DOK2: variants seen among roughly 807,000 people sequenced by gnomAD.
DOK2 encodes the protein docking protein 2, also known as docking protein 2, 56kD.
A neutral mutation model predicts 26.0 loss-of-function variants in DOK2; 28 were observed. That is an observed-to-expected ratio of 1.08 (90% CI 0.80 to 1.48). DOK2 has a LOEUF of 1.48. DOK2 is among the 40% of genes most tolerant of loss of function. The pLI, the probability that DOK2 is intolerant of heterozygous loss-of-function variation, is 0.00. For synonymous variants in DOK2, 282 were observed against 236.9 expected, an observed-to-expected ratio of 1.19 and a Z score of -1.75; for missense variants, 682 against 558.2, an observed-to-expected ratio of 1.22 and a Z score of -2.23.
At position 21,909,646 on chromosome 8, in the gene DOK2, G is replaced by A; in HGVS notation, c.904C>T (p.Pro302Ser). The A allele has an allele frequency of 6.2e-7, 1 of 1,613,092 alleles. No individual in the cohort carries two copies. Among genetic ancestry groups the A allele is most frequent in the South Asian group, 1.1e-5 (1 of 91,092 alleles). ...PRGQEGEYAV[P>S]FDAVARSLGK... ...AAGGAACGGGCCACCGCATCGAAGG[G>A]CACGGCATACTCCCCCTCCTGGCCC... Residue 302 changes from proline (P) to serine (S), a missense_variant, in exon 5 of 5, where the codon CCC becomes TCC. Physicochemically the swap from Pro to Ser is moderately conservative, Grantham distance 74. Coordinates refer to ENST00000276420, the MANE Select transcript of DOK2 (RefSeq NM_003974.4).
chr8:21,912,319 G>A lies in DOK2; in HGVS notation c.255C>T (p.Phe85=). ...ASSPRDTSAF[F]LETKERLYLL... ...GGTACAGGCGCTCCTTGGTCTCCAG[G>A]AAGAAGGCACTGGTGTCCCGGGGGC... The change falls in exon 2 of 5, where the codon TTC becomes TTT. Residue 85 remains phenylalanine, a synonymous_variant. Transcript: ENST00000276420. 2 of 1,606,522 alleles carry A rather than the reference G, an allele frequency of 1.2e-6. No individual in the cohort carries two copies. Among genetic ancestry groups the A allele is most frequent in the South Asian group, 2.2e-5 (2 of 90,050 alleles).
intron 1 of DOK2, among the ~76,000 whole-genome samples, chr8:21,912,858 G>T (rs1315439053): frequency 6.6e-6 from 1 of 152,126 alleles, no homozygotes; most frequent in African/African-American, 2.4e-5. Context: ...GCGGGGCAGT[G>T]GCCGAGGCCC....
chr8:21,912,061 G>A, intron 2 of DOK2, 73 bp from the exon 3 acceptor site: 4 of 1,505,398 alleles, frequency 2.7e-6, no homozygotes, highest in Non-Finnish European at 2.7e-6. Context: ...CCTTCTTTCA[G>A]GCCACCTCAA....
In DOK2 at chr8:21,912,493, G is replaced by A; in HGVS notation, c.81C>T (p.Gly27=). 3 of 1,526,910 alleles carry A rather than the reference G, an allele frequency of 2.0e-6. No individual in the cohort carries two copies. The highest frequency in any genetic ancestry group is 2.4e-5 in the East Asian group (1 of 41,550). The allele number at this position is 1,526,910 out of a possible 1,614,324, so 94.6% of individuals were successfully genotyped here. The change falls in exon 2 of 5, where the codon GGC becomes GGT. Residue 27 remains glycine (G), a synonymous_variant. Transcript: ENST00000276420. ...QTFGKKWRRF[G]ASLYGGSDCA... ...AGTCCGACCCTCCATACAGTGAGGC[G>A]CCGAAGCGGCGCCATTTCTGTGCCA...
chr8:21,913,568 A>C lies in DOK2; in HGVS notation c.34T>G (p.Tyr12Asp). Reference sequence around the variant, plus strand: ...CCAAACGTCTGCTGCTGCTGAAGATACAAGAAGCCTTGTTTCACTGCCCCG... The same window carrying C: ...CCAAACGTCTGCTGCTGCTGAAGATCCAAGAAGCCTTGTTTCACTGCCCCG... ...GDGAVKQGFL[Y>D]LQQQQTFGKK... is the part of the protein sequence containing the mutation. The change falls in exon 1 of 5, where the codon TAT becomes GAT. Residue 12 changes from tyrosine (Y) to aspartate (D), a missense_variant. Transcript: ENST00000276420. 6.2e-7 allele frequency: 1 copy of C among 1,613,976 alleles called. No homozygotes were observed. The highest frequency in any genetic ancestry group is 1.3e-5 in the African/African-American group (1 of 74,988).
At chr8:21,913,296 C>T (rs968109947) in intron 1 of DOK2, among the ~76,000 whole-genome samples, 5 of 152,166 alleles carry the variant, frequency 3.3e-5, no homozygotes, top group African/African-American at 9.7e-5. Flanking sequence ...GCAGCACATC[C>T]CCCACCCCCA....
chr8:21,909,377 G>A lies in DOK2; in HGVS notation c.1173C>T (p.Phe391=), dbSNP rs1428655669. ...TTCCTGGCTGCCAGCCAGAAGCAGAGAAATCCTGCCCGGCTGGCTGGACAT... is the reference window on the plus strand; with the variant it reads ...TTCCTGGCTGCCAGCCAGAAGCAGAAAAATCCTGCCCGGCTGGCTGGACAT... ...LQHVQPAGQD[F]SASGWQPGTE... is the part of the protein sequence containing the mutation. The change falls in exon 5 of 5, where the codon TTC becomes TTT. Residue 391 remains phenylalanine (F), a synonymous_variant. Transcript: ENST00000276420. The A allele has an allele frequency of 1.1e-5, 18 of 1,588,594 alleles. No individual in the cohort carries two copies. The highest frequency in any genetic ancestry group is 1.5e-5 in the Non-Finnish European group (18 of 1,167,010).
In DOK2 at chr8:21,909,628, G is replaced by C. The variant is rs750799363; in HGVS notation, c.922C>G (p.Arg308Gly). The C allele has an allele frequency of 3.1e-6, 5 of 1,613,534 alleles. No individual in the cohort carries two copies. The Admixed American group carries it at 8.3e-5, about 27-fold the overall frequency. The change falls in exon 5 of 5, where the codon CGT (arginine) becomes GGT (glycine). Residue 308 changes from arginine (R) to glycine (G), a missense_variant. Coordinates refer to ENST00000276420, the MANE Select transcript of DOK2 (RefSeq NM_003974.4). ...CCCCTGAAGTTCTTCCCCAAGGAAC[G>C]GGCCACCGCATCGAAGGGCACGGCA... Reference protein sequence around the residue: ...EYAVPFDAVARSLGKNFRGIL... With the variant: ...EYAVPFDAVAGSLGKNFRGIL...
rs991861963 is a variant in DOK2, at chr8:21,911,871, G to A, written c.433+30C>T. ...ACCTCACCCTGGGGAGAGCCCCCAG[G>A]GGAGAGCAGGGCAGCCCCCGCCCCC... is the stretch of plus-strand genomic sequence containing the variant. On this transcript the variant is annotated intron_variant, in intron 3 of 4. Coordinates refer to ENST00000276420, the MANE Select transcript of DOK2 (RefSeq NM_003974.4). 5 of 1,547,018 alleles carry A rather than the reference G, an allele frequency of 3.2e-6. No individual in the cohort carries two copies. The African/African-American group carries it at 5.5e-5, about 17-fold the overall frequency.
In DOK2 at chr8:21,909,418, G is replaced by C. The variant is rs755017117; in HGVS notation, c.1132C>G (p.Pro378Ala). ...WRRQATADRD[P>A]AGLQHVQPAG... ...GGCTGGACATGCTGGAGGCCAGCAG[G>C]GTCCCTGTCAGCTGTCGCCTGCCTC... Residue 378 changes from proline to alanine, a missense_variant, in exon 5 of 5, where the codon CCT becomes GCT. Coordinates refer to ENST00000276420, the MANE Select transcript of DOK2 (RefSeq NM_003974.4). The C allele has an allele frequency of 8.7e-6, 14 of 1,611,862 alleles. No homozygotes were observed. In the African/African-American group the frequency reaches 1.2e-4, roughly 14 times the overall value.
In DOK2 at chr8:21,912,411, C is replaced by A. The variant is rs1172034505; in HGVS notation, c.163G>T (p.Ala55Ser). Reference protein sequence around the residue: ...EGPEKPRRCEAARKVIRLSDC... With the variant: ...EGPEKPRRCESARKVIRLSDC... ...CTGAGGCGGATGACCTTCCGGGCAG[C>A]CTCACACCGACGAGGCTTCTCCGGG... The change falls in exon 2 of 5, where the codon GCT becomes TCT. Residue 55 changes from alanine (A) to serine (S), a missense_variant. Coordinates refer to ENST00000276420, the MANE Select transcript of DOK2 (RefSeq NM_003974.4). The A allele has an allele frequency of 2.5e-6, 4 of 1,588,378 alleles. No individual in the cohort carries two copies. The highest frequency in any genetic ancestry group is 1.3e-5 in the African/African-American group (1 of 74,234).
chr8:21,909,228 AGAG>A lies in DOK2; in HGVS notation c.*80_*82del. The stretch of plus-strand genomic sequence containing the variant: ...CCAGGCCTCGGGCTCCAGAAGGGGC[AGAG>A]GAGGTTCTTCTGATGCAGTGGCCAG... On this transcript the variant is annotated 3_prime_UTR_variant, in exon 5 of 5. Coordinates refer to ENST00000276420, the MANE Select transcript of DOK2 (RefSeq NM_003974.4). 6.8e-7 allele frequency: 1 copy of A among 1,468,010 alleles called. No homozygotes were observed. The highest frequency in any genetic ancestry group is 9.1e-7 in the Non-Finnish European group (1 of 1,094,314). The allele number at this position is 1,468,010 out of a possible 1,614,324, so 90.9% of individuals were successfully genotyped here.
At chr8:21,911,164 C>T (rs542418212) in intron 3 of DOK2, 150 of 377,404 alleles carry the variant, frequency 4.0e-4, no homozygotes, top group Admixed American at 2.9e-3. Flanking sequence ...CCCACCCCAT[C>T]TCTCACCCCA....
In DOK2 at chr8:21,909,763, A is replaced by C; in HGVS notation, c.787T>G (p.Ser263Ala). 6.2e-7 allele frequency: 1 copy of C among 1,613,940 alleles called. No individual in the cohort carries two copies. The highest frequency in any genetic ancestry group is 8.5e-7 in the Non-Finnish European group (1 of 1,180,008). The change falls in exon 5 of 5, where the codon TCG becomes GCG. Residue 263 changes from serine (S) to alanine (A), a missense_variant. Physicochemically the swap from Ser to Ala is moderately conservative, Grantham distance 99. Transcript: ENST00000276420. ...TAGGGGCTATCAGGCCGGGGCAGCG[A>C]CGCGGGGATTGTGGCTGGCTGCGGT... Reference protein sequence around the residue: ...PQPQPATIPASLPRPDSPYSR... With the variant: ...PQPQPATIPAALPRPDSPYSR...
chr8:21,913,656 G>A lies in DOK2; in HGVS notation c.-55C>T. The A allele has an allele frequency of 6.3e-7, 1 of 1,595,970 alleles. No individual in the cohort carries two copies. The highest frequency in any genetic ancestry group is 8.6e-7 in the Non-Finnish European group (1 of 1,164,710). On this transcript the variant is annotated 5_prime_UTR_variant, in exon 1 of 5. Transcript: ENST00000276420. ...AGCTCTCTCCTTCACTCCTGCCCTT[G>A]CCTCTCTCTTCTTAGCCGTGTGTTT... is the stretch of plus-strand genomic sequence containing the variant.
intron 1 of DOK2, 182 bp from the exon 2 acceptor site, chr8:21,912,692 A>G: frequency 1.6e-6 from 1 of 627,878 alleles, no homozygotes; most frequent in South Asian, 2.2e-5. Flanking sequence ...GACTGCAGGA[A>G]TTAGAAAATC....
chr8:21,909,365 G>T lies in DOK2; in HGVS notation c.1185C>A (p.Gly395=). 1 of 1,579,164 alleles carries T rather than the reference G, an allele frequency of 6.3e-7. No homozygotes were observed. The highest frequency in any genetic ancestry group is 8.6e-7 in the Non-Finnish European group (1 of 1,162,292). ...TGTCATACTCAGTTCCTGGCTGCCAGCCAGAAGCAGAGAAATCCTGCCCGG... is the reference window on the plus strand; with the variant it reads ...TGTCATACTCAGTTCCTGGCTGCCATCCAGAAGCAGAGAAATCCTGCCCGG... ...QPAGQDFSAS[G]WQPGTEYDNV... The change falls in exon 5 of 5, where the codon GGC becomes GGA. Residue 395 remains glycine (G), a synonymous_variant. Coordinates refer to ENST00000276420, the MANE Select transcript of DOK2 (RefSeq NM_003974.4).
chr8:21,909,714 G>T lies in DOK2; in HGVS notation c.836C>A (p.Pro279Gln). 6.2e-7 allele frequency: 1 copy of T among 1,613,380 alleles called. No homozygotes were observed. The highest frequency in any genetic ancestry group is 8.5e-7 in the Non-Finnish European group (1 of 1,180,006). The stretch of plus-strand genomic sequence containing the variant: ...CACCGGTGTGGTGGGTGAAGGCGGC[G>T]GCAGTGAGTCATGCGGCCGAGAGTA... Reference protein sequence around the residue: ...SPYSRPHDSLPPPSPTTPVPA... With the variant: ...SPYSRPHDSLQPPSPTTPVPA... Residue 279 changes from proline (P) to glutamine (Q), a missense_variant, in exon 5 of 5, where the codon CCG (proline) becomes CAG (glutamine). Transcript: ENST00000276420.
chr8:21,911,162 A>C, intron 3 of DOK2: 5 of 362,876 alleles, frequency 1.4e-5, no homozygotes, highest in Non-Finnish European at 2.0e-5. Flanking sequence ...TCCCCACCCC[A>C]TCTCTCACCC....
Sources: gnomAD v4.1 joint callset for allele counts (sites outside exome capture counted in the v4.1 genomes callset) on GRCh38, gnomAD v4.1.1 for gene constraint, MANE v1.5 for transcripts, NCBI Gene and HGNC (gene_info 2026-07-23, HGNC 2026-07-21) for gene names.